The following EYS variants were observed in gnomAD, a reference collection of about 807,000 sequenced individuals.
The protein encoded by EYS is EGF-like photoreceptor maintenance factor.
Under a neutral mutation model 282.1 loss-of-function variants are expected in EYS, and 250 were observed. The observed-to-expected ratio is 0.89, with a 90% CI of 0.80 to 0.98. The LOEUF is 0.98. Ranked by LOEUF, EYS falls within the 50% of genes least tolerant of loss-of-function variation. The pLI, the probability that EYS is intolerant of heterozygous loss-of-function variation, is 0.00. For missense variants in EYS, 4,016 were observed against 3,709.0 expected, an observed-to-expected ratio of 1.08 and a Z score of -2.15; for synonymous variants, 1,355 against 1,282.9, an observed-to-expected ratio of 1.06 and a Z score of -1.20.
At chr6:65,516,720 A>T (rs1350486561) in intron 2 of EYS, among the ~76,000 whole-genome samples, 1 of 152,058 alleles carries the variant, frequency 6.6e-6, no homozygotes, top group Admixed American at 6.6e-5. Flanking sequence ...TTACATGAGG[A>T]TGTACAAAGG....
chr6:65,651,942 A>G (rs1357684164), intron 1 of EYS, among the ~76,000 whole-genome samples: 3 of 152,092 alleles, frequency 2.0e-5, no homozygotes, highest in African/African-American at 7.2e-5. Flanking sequence ...TCCTGGAAAG[A>G]GAGAAAAACA....
intron 2 of EYS, among the ~76,000 whole-genome samples, chr6:65,540,395 TA>T (rs1582432539): frequency 6.6e-6 from 1 of 152,156 alleles, no homozygotes; most frequent in East Asian, 1.9e-4. Flanking sequence ...CCATATTTGT[TA>T]AATGCAAGCA....
chr6:64,333,689 G>A (rs1236255829), intron 29 of EYS, among the ~76,000 whole-genome samples: 5 of 152,126 alleles, frequency 3.3e-5, no homozygotes, highest in South Asian at 2.1e-4. Context: ...TGGTCATCAC[G>A]AAGAAAACCC....
chr6:65,159,656 T>C (rs1358175883), intron 12 of EYS, among the ~76,000 whole-genome samples: 1 of 150,862 alleles, frequency 6.6e-6, no homozygotes, highest in Non-Finnish European at 1.5e-5. Flanking sequence ...AGGTTCTTAA[T>C]TCTGACCTCT....
chr6:65,593,326 G>A (rs1375855009), intron 2 of EYS, among the ~76,000 whole-genome samples: 1 of 151,962 alleles, frequency 6.6e-6, no homozygotes, highest in Non-Finnish European at 1.5e-5. Context: ...CATATTAGAA[G>A]ATCAAATGGA....
chr6:65,513,527 T>C (rs1766986355), intron 2 of EYS, among the ~76,000 whole-genome samples: 1 of 151,862 alleles, frequency 6.6e-6, no homozygotes, highest in African/African-American at 2.4e-5. Context: ...TGAACATTGA[T>C]GCAAAAATCC....
At position 65,384,413 on chromosome 6, in the gene EYS, C is replaced by A. The variant is rs1488525582; in HGVS notation, c.1272G>T (p.Trp424Cys). The A allele has an allele frequency of 6.2e-7, 1 of 1,606,354 alleles. No individual in the cohort carries two copies. The highest frequency in any genetic ancestry group is 1.3e-5 in the African/African-American group (1 of 74,672). The part of the protein sequence containing the change: ...LLSINCLNEE[W>C]CFNIIGRFKY... ...TGAATCTTCCAATTATATTGAAACACCATTCTTCATTCAGACAGTTGATGC... is the reference window on the plus strand; with the variant it reads ...TGAATCTTCCAATTATATTGAAACAACATTCTTCATTCAGACAGTTGATGC... Residue 424 changes from tryptophan (W) to cysteine (C), a missense_variant, in exon 8 of 43, where the codon TGG becomes TGT. Transcript: ENST00000503581.
At chr6:64,372,364 C>T (rs996497144) in intron 29 of EYS, among the ~76,000 whole-genome samples, 17 of 152,046 alleles carry the variant, frequency 1.1e-4, no homozygotes, top group Non-Finnish European at 2.1e-4. Flanking sequence ...TGAATATATG[C>T]CCCCAATCTC....
chr6:64,370,236 G>A (rs1297774575), intron 29 of EYS, among the ~76,000 whole-genome samples: 1 of 151,962 alleles, frequency 6.6e-6, no homozygotes, highest in Non-Finnish European at 1.5e-5. Context: ...TAACATGAAG[G>A]GATGTGGATT....
intron 1 of EYS, among the ~76,000 whole-genome samples, chr6:65,666,320 T>C (rs1562317625): frequency 6.6e-6 from 1 of 151,908 alleles, no homozygotes; most frequent in Non-Finnish European, 1.5e-5. Flanking sequence ...GTAGAAGCAA[T>C]AGTAGTTAAA....
At chr6:64,616,648 T>G (rs1466056770) in intron 24 of EYS, among the ~76,000 whole-genome samples, 1 of 152,080 alleles carries the variant, frequency 6.6e-6, no homozygotes, top group Non-Finnish European at 1.5e-5. Flanking sequence ...AGTTTCTAGC[T>G]CCATTTACAC....
intron 14 of EYS, among the ~76,000 whole-genome samples, chr6:64,968,510 C>T (rs1770176795): frequency 6.6e-6 from 1 of 152,090 alleles, no homozygotes; most frequent in Non-Finnish European, 1.5e-5. Context: ...TACTTTTCTC[C>T]AATCAATCTC....
At chr6:65,183,000 A>T (rs1323272252) in intron 12 of EYS, among the ~76,000 whole-genome samples, 1 of 151,828 alleles carries the variant, frequency 6.6e-6, no homozygotes, top group African/African-American at 2.4e-5. Flanking sequence ...CATGTTGCCC[A>T]TGCTGGTCTC....
chr6:64,768,035 A>C (rs1773407749), intron 22 of EYS, among the ~76,000 whole-genome samples: 1 of 152,146 alleles, frequency 6.6e-6, no homozygotes, highest in South Asian at 2.1e-4. Context: ...TGTATGATAA[A>C]TTGTATTATT....
chr6:64,990,498 C>T (rs999559339), intron 14 of EYS, among the ~76,000 whole-genome samples: 1 of 151,560 alleles, frequency 6.6e-6, no homozygotes, highest in Non-Finnish European at 1.5e-5. Context: ...TAATTTGTCT[C>T]ATAATTCTTT....
At chr6:64,933,117 T>C (rs1005208317) in intron 15 of EYS, among the ~76,000 whole-genome samples, 3 of 152,028 alleles carry the variant, frequency 2.0e-5, no homozygotes, top group South Asian at 4.1e-4. Context: ...AAGTCAGCTA[T>C]GGTAAACTTG....
At chr6:65,687,286 A>G (rs1300223916) in intron 1 of EYS, among the ~76,000 whole-genome samples, 4 of 152,118 alleles carry the variant, frequency 2.6e-5, no homozygotes, top group Non-Finnish European at 5.9e-5. Context: ...AAGAAAAAAG[A>G]CAAACTCAAG....
chr6:64,687,350 C>T (rs1770193415), intron 22 of EYS, among the ~76,000 whole-genome samples: 1 of 152,038 alleles, frequency 6.6e-6, no homozygotes, highest in Non-Finnish European at 1.5e-5. Flanking sequence ...TTAATAGATG[C>T]ATTGGAAGAA....
At chr6:65,178,238 G>C (rs1765276916) in intron 12 of EYS, among the ~76,000 whole-genome samples, 1 of 151,914 alleles carries the variant, frequency 6.6e-6, no homozygotes, top group Non-Finnish European at 1.5e-5. Flanking sequence ...AGACAGCAGA[G>C]AGCCTTCTTT....
Sources: gnomAD v4.1 joint callset for allele counts (sites outside exome capture counted in the v4.1 genomes callset) on GRCh38, gnomAD v4.1.1 for gene constraint, MANE v1.5 for transcripts, NCBI Gene and HGNC (gene_info 2026-07-23, HGNC 2026-07-21) for gene names.